ZNF148: variants seen among roughly 807,000 people sequenced by gnomAD.
ZNF148 encodes Beta-Enolase Repressor Factor-1.
In ZNF148, 7 loss-of-function variants were observed where a neutral mutation model predicts 67.7. That is an observed-to-expected ratio of 0.10 (90% CI 0.06 to 0.19). ZNF148 has a LOEUF of 0.19. ZNF148 is among the 10% of genes least tolerant of loss of function. The pLI is 1.00. For missense variants in ZNF148, 583 were observed against 947.1 expected, an observed-to-expected ratio of 0.62 and a Z score of 5.05; for synonymous variants, 333 against 330.7, an observed-to-expected ratio of 1.01 and a Z score of -0.08.
At chr3:125,252,604 C>T (rs1337180063) in intron 7 of ZNF148, among the ~76,000 whole-genome samples, 2 of 151,976 alleles carry the variant, frequency 1.3e-5, no homozygotes, top group African/African-American at 2.4e-5. Context: ...CCCATCTCTA[C>T]TAAAAATACA....
At chr3:125,362,747 GT>G (rs918357560) in intron 1 of ZNF148, among the ~76,000 whole-genome samples, 2 of 151,866 alleles carry the variant, frequency 1.3e-5, no homozygotes, top group Admixed American at 6.6e-5. Flanking sequence ...TAGAGATGAG[GT>G]TTCATCATGT....
chr3:125,272,422 G>A (rs1266643090), intron 7 of ZNF148, among the ~76,000 whole-genome samples: 1 of 152,170 alleles, frequency 6.6e-6, no homozygotes, highest in African/African-American at 2.4e-5. Flanking sequence ...ATATAGATTT[G>A]AGGGGTAGGG....
Position 125,331,237 on chromosome 3 carries a change from T to C in ZNF148, c.-232A>G, listed in dbSNP as rs1941277780. The C allele has an allele frequency of 5.0e-6, 2 of 398,518 alleles. No individual in the cohort carries two copies. The highest frequency in any genetic ancestry group is 4.4e-5 in the Admixed American group (1 of 22,724). The allele number at this position is 398,518 out of a possible 1,614,324, so 24.7% of individuals were successfully genotyped here. ...TCCAAGCTGCTGATTCCTCCCTCTA[T>C]CCTACAAAAGTACACAAATACAGGT... On this transcript the variant is annotated splice_region_variant and 5_prime_UTR_variant, in exon 2 of 9. Coordinates refer to ENST00000360647, the MANE Select transcript of ZNF148 (RefSeq NM_021964.3).
At chr3:125,363,064 C>T (rs138924160) in intron 1 of ZNF148, among the ~76,000 whole-genome samples, 162 of 152,288 alleles carry the variant, frequency 1.1e-3, no homozygotes, top group African/African-American at 3.7e-3. Flanking sequence ...ACCACTGTTT[C>T]TACATTTTCA....
intron 4 of ZNF148, among the ~76,000 whole-genome samples, chr3:125,306,172 A>T (rs1312642337): frequency 2.6e-5 from 4 of 152,214 alleles, no homozygotes; most frequent in African/African-American, 9.6e-5. Context: ...TGCTGAGAAA[A>T]AAGTTTGGAG....
chr3:125,244,376 C>CA (rs1296995808), intron 7 of ZNF148, among the ~76,000 whole-genome samples: 8 of 152,334 alleles, frequency 5.3e-5, no homozygotes, highest in African/African-American at 1.9e-4. Context: ...TTGGCAACTG[C>CA]AAACCTTCCT....
intron 1 of ZNF148, among the ~76,000 whole-genome samples, chr3:125,369,683 G>A (rs1488991969): frequency 1.3e-5 from 2 of 151,898 alleles, no homozygotes; most frequent in Non-Finnish European, 1.5e-5. Flanking sequence ...TACCATTACT[G>A]AATTATTTCA....
rs1935880582 is a variant in ZNF148, at chr3:125,232,193, T to C, written c.*148A>G. On this transcript the variant is annotated 3_prime_UTR_variant, in exon 9 of 9. Coordinates refer to ENST00000360647, the MANE Select transcript of ZNF148 (RefSeq NM_021964.3). The surrounding 1 kb of genome is among the most constrained non-coding windows in gnomAD (Gnocchi z 4.2). ...TGCTGACTAACCAAACGAAATGCAG[T>C]TATTGGATTATCTTGCTATTCATAT... 1.1e-6 allele frequency: 1 copy of C among 950,418 alleles called. No homozygotes were observed. Among genetic ancestry groups the C allele is most frequent in the African/African-American group, 1.7e-5 (1 of 60,342 alleles). The allele number at this position is 950,418 out of a possible 1,614,324, so 58.9% of individuals were successfully genotyped here.
intron 7 of ZNF148, among the ~76,000 whole-genome samples, chr3:125,266,802 A>G (rs2107584357): frequency 6.6e-6 from 1 of 152,218 alleles, no homozygotes; most frequent in Admixed American, 6.5e-5. Context: ...AGATTGACAG[A>G]CCACTAGCTA....
chr3:125,317,662 T>TATAGAGAGAGAGAGAGAGAGAG lies in ZNF148; in HGVS notation c.-16-4007_-16-4006insCTCTCTCTCTCTCTCTCTCTAT, dbSNP rs752542874. Among the ~76,000 whole-genome samples the TATAGAGAGAGAGAGAGAGAGAG allele has an allele frequency of 6.2e-3, 562 of 89,970 alleles. 2 individuals carry two copies. The highest frequency in any genetic ancestry group is 9.9e-3 in the African/African-American group (220 of 22,150). The allele number at this position is 89,970 out of a possible 152,430, so 59.0% of individuals were successfully genotyped here. ...GATCTTTTATATATATATATATATA[T>TATAGAGAGAGAGAGAGAGAGAG]AGAGAGAGAGAGAGAGAAATACATA... On this transcript the variant is annotated intron_variant, in intron 3 of 8. Coordinates refer to ENST00000360647, the MANE Select transcript of ZNF148 (RefSeq NM_021964.3).
intron 1 of ZNF148, among the ~76,000 whole-genome samples, chr3:125,358,529 CAA>C (rs1467204834): frequency 2.6e-5 from 4 of 152,218 alleles, no homozygotes; most frequent in Non-Finnish European, 5.9e-5. Context: ...AAACTGCCAT[CAA>C]AGTTTGTGCA....
At chr3:125,325,890 A>C (rs1940996407) in intron 2 of ZNF148, among the ~76,000 whole-genome samples, 1 of 152,206 alleles carries the variant, frequency 6.6e-6, no homozygotes, top group Non-Finnish European at 1.5e-5. Flanking sequence ...ACTTGTTGAA[A>C]GCAAACCCAA....
chr3:125,335,095 C>A (rs995005529), intron 1 of ZNF148, among the ~76,000 whole-genome samples: 1 of 151,922 alleles, frequency 6.6e-6, no homozygotes, highest in African/African-American at 2.4e-5. Flanking sequence ...TATTGTTATA[C>A]ATTTTGCACT....
intron 1 of ZNF148, among the ~76,000 whole-genome samples, chr3:125,362,185 A>G (rs60700818): frequency 0.041 from 6,174 of 152,238 alleles, 408 homozygotes; most frequent in African/African-American, 0.14. Flanking sequence ...ACTAATCCAA[A>G]TCATTTTCAT....
intron 4 of ZNF148, among the ~76,000 whole-genome samples, chr3:125,290,202 A>G (rs1287787671): frequency 1.3e-5 from 2 of 152,172 alleles, no homozygotes; most frequent in Admixed American, 6.5e-5. Flanking sequence ...TTTCCTTTTC[A>G]TATCTCCCTT....
chr3:125,323,535 A>G (rs1940876507), intron 2 of ZNF148, 91 bp from the exon 3 acceptor site: 1 of 513,930 alleles, frequency 1.9e-6, no homozygotes, highest in South Asian at 3.2e-5. Context: ...TGAATACTGA[A>G]GTGAAAATTC....
At chr3:125,313,830 A>G (rs1311614810) in intron 3 of ZNF148, among the ~76,000 whole-genome samples, 174 bp from the exon 4 acceptor site, 1 of 152,308 alleles carries the variant, frequency 6.6e-6, no homozygotes, top group East Asian at 1.9e-4. Flanking sequence ...AAAGGCTGGT[A>G]GAATAAAACA....
chr3:125,234,357 C>A, intron 7 of ZNF148, 28 bp from the exon 8 acceptor site: 1 of 1,440,864 alleles, frequency 6.9e-7, no homozygotes, highest in Non-Finnish European at 9.6e-7. Context: ...AAGTTTAAAA[C>A]AAAACAAATA....
intron 7 of ZNF148, among the ~76,000 whole-genome samples, chr3:125,253,393 AT>A (rs1936929938): frequency 6.6e-6 from 1 of 152,132 alleles, no homozygotes; most frequent in Admixed American, 6.5e-5. Context: ...TTTTCTATGT[AT>A]TTAAAATAAT....
Sources: gnomAD v4.1 joint callset for allele counts (sites outside exome capture counted in the v4.1 genomes callset) on GRCh38, gnomAD v4.1.1 for gene constraint, Gnocchi (gnomAD v3.1) non-coding constraint, MANE v1.5 for transcripts, NCBI Gene and HGNC (gene_info 2026-07-23, HGNC 2026-07-21) for gene names.